Variants in FBXL14 observed in about 807,000 individuals in gnomAD.
The protein encoded by FBXL14 is F-box/LRR-repeat protein 14.
A neutral mutation model predicts 24.5 loss-of-function variants in FBXL14; 11 were observed. The ratio of observed to expected loss-of-function variants is 0.45; its 90% CI spans 0.28 to 0.74. The LOEUF (loss-of-function observed/expected upper bound fraction) is 0.74, where lower values mean the gene tolerates loss of function less well. FBXL14 is among the 30% of genes least tolerant of loss of function. FBXL14 has a pLI of 0.12. For synonymous variants in FBXL14, 294 were observed against 240.4 expected (o/e 1.22, Z -2.06); for missense variants, 384 against 545.6 (o/e 0.70, Z 2.95).
rs201000076 is a variant in FBXL14 at position 1,592,924 on chromosome 12, C to G, written c.1143G>C (p.Pro381=). ...GTCCCAGGTTGAGTACCTTGAGGCA[C>G]GGCAGCTGCGTGATGCGCTCCAGGC... ...KRGLERITQL[P]CLKVLNLGLW... is the part of the protein sequence containing the mutation. Residue 381 remains proline (P), a synonymous_variant, in exon 1 of 2, where the codon CCG becomes CCC. Transcript: ENST00000339235. The G allele has an allele frequency of 5.0e-6, 8 of 1,607,244 alleles. No homozygotes were observed. In the African/African-American group the frequency reaches 9.4e-5, roughly 19 times the overall value.
At chr12:1,571,367 C>G (rs1029490729) in intron 1 of FBXL14, among the ~76,000 whole-genome samples, 1 of 152,122 alleles carries the variant, frequency 6.6e-6, no homozygotes, top group Non-Finnish European at 1.5e-5. Context: ...CGCCACCACA[C>G]CCGGCTAATT....
chr12:1,576,077 C>T (rs1312881631), intron 1 of FBXL14, among the ~76,000 whole-genome samples: 1 of 152,126 alleles, frequency 6.6e-6, no homozygotes, highest in East Asian at 1.9e-4. Context: ...CGGGAGGAAA[C>T]CTTAAATATT....
intron 1 of FBXL14, among the ~76,000 whole-genome samples, chr12:1,585,002 G>GTGAT (rs1007100653): frequency 3.3e-5 from 5 of 152,188 alleles, no homozygotes; most frequent in African/African-American, 1.2e-4. Context: ...TTTAGCCTCA[G>GTGAT]TGATTGTTCT....
At chr12:1,583,246 T>C (rs1356045535) in intron 1 of FBXL14, among the ~76,000 whole-genome samples, 1 of 152,172 alleles carries the variant, frequency 6.6e-6, no homozygotes, top group Non-Finnish European at 1.5e-5. Context: ...AACTAGCTCT[T>C]TTTCTTGCTG....
At chr12:1,572,290 C>T (rs1047568192) in intron 1 of FBXL14, among the ~76,000 whole-genome samples, 1 of 152,204 alleles carries the variant, frequency 6.6e-6, no homozygotes, top group Non-Finnish European at 1.5e-5. Context: ...GTGCACGATA[C>T]GGTGTGTTTT....
Position 1,594,160 on chromosome 12 carries a change from G to GCCGCCGCCGCCA in FBXL14, c.-95_-94insTGGCGGCGGCGG. 1 of 830,990 alleles carries GCCGCCGCCGCCA rather than the reference G, an allele frequency of 1.2e-6. No individual in the cohort carries two copies. The highest frequency in any genetic ancestry group is 1.5e-6 in the Non-Finnish European group (1 of 662,374). The allele number at this position is 830,990 out of a possible 1,614,324, so 51.5% of individuals were successfully genotyped here. ...GCGACGAGAGCGCTTCTCCCCAGCC[G>GCCGCCGCCGCCA]CCGCCGCCGCCGCCGCCGCCGCCTC... On this transcript the variant is annotated 5_prime_UTR_variant, in exon 1 of 2. Transcript: ENST00000339235.
At chr12:1,589,668 C>G (rs1305747588) in intron 1 of FBXL14, among the ~76,000 whole-genome samples, 1 of 152,140 alleles carries the variant, frequency 6.6e-6, no homozygotes, top group African/African-American at 2.4e-5. Flanking sequence ...CACATAGGTT[C>G]TCAACACGTT....
At position 1,569,916 on chromosome 12, in the gene FBXL14, T is replaced by TC. The variant is rs1369072379; in HGVS notation, c.1195-3107dup. Among the ~76,000 whole-genome samples the TC allele has an allele frequency of 6.6e-6, 1 of 152,120 alleles. No individual in the cohort carries two copies. The highest frequency in any genetic ancestry group is 1.5e-5 in the Non-Finnish European group (1 of 68,026). ...CCACATGCCCACTGCAGAGCCAGCA[T>TC]CCCCCTCGAGAGCTGCACTTCTGCC... On this transcript the variant is annotated intron_variant, in intron 1 of 1. Coordinates refer to ENST00000339235, the MANE Select transcript of FBXL14 (RefSeq NM_152441.3). The surrounding 1 kb of genome is among the most constrained non-coding windows in gnomAD (Gnocchi z 4.2).
At chr12:1,572,683 C>T (rs951413350) in intron 1 of FBXL14, among the ~76,000 whole-genome samples, 57 of 152,118 alleles carry the variant, frequency 3.7e-4, no homozygotes, top group African/African-American at 1.3e-3. Flanking sequence ...TCCCGGACAG[C>T]GTGCAGCAGA....
Position 1,583,526 on chromosome 12 carries a change from C to T in FBXL14, c.1194+9347G>A, listed in dbSNP as rs190571806. On this transcript the variant is annotated intron_variant, in intron 1 of 1. Coordinates refer to ENST00000339235, the MANE Select transcript of FBXL14 (RefSeq NM_152441.3). ...ATCTTTTCCAGGAAGTGAAATTCCTCATTTGTCAACTCTTACGCCTGGAGG... is the reference window on the plus strand; with the variant it reads ...ATCTTTTCCAGGAAGTGAAATTCCTTATTTGTCAACTCTTACGCCTGGAGG... Among the ~76,000 whole-genome samples, 572 of 152,304 alleles carry T rather than the reference C, an allele frequency of 3.8e-3. 4 individuals are homozygous for T. Among genetic ancestry groups the T allele is most frequent in the Admixed American group, 0.012 (185 of 15,306 alleles).
intron 1 of FBXL14, among the ~76,000 whole-genome samples, chr12:1,586,764 G>C (rs149521219): frequency 2.6e-5 from 4 of 152,192 alleles, no homozygotes; most frequent in Non-Finnish European, 5.9e-5. Flanking sequence ...ATTGTGTTAT[G>C]ACTGAGTTCT....
intron 1 of FBXL14, among the ~76,000 whole-genome samples, chr12:1,574,119 C>A (rs992335658): frequency 6.6e-6 from 1 of 151,922 alleles, no homozygotes; most frequent in South Asian, 2.1e-4. Context: ...GTAATTGGGA[C>A]CACTGTAATG....
rs536515237 is a variant in FBXL14 at position 1,592,564 on chromosome 12, A to G, written c.1194+309T>C. ...CCAGTCACAGCAGTGGGGATACAGT[A>G]GCTGAATCAGTCCTCCACCCCCTGC... On this transcript the variant is annotated intron_variant, in intron 1 of 1. Transcript: ENST00000339235. Among the ~76,000 whole-genome samples, 10 of 152,308 alleles carry G rather than the reference A, an allele frequency of 6.6e-5. No individual in the cohort carries two copies. The South Asian group carries it at 2.1e-3, about 32-fold the overall frequency.
chr12:1,575,496 C>T (rs755953051), intron 1 of FBXL14, among the ~76,000 whole-genome samples: 3 of 152,164 alleles, frequency 2.0e-5, no homozygotes, highest in Non-Finnish European at 4.4e-5. Flanking sequence ...CGTTCGGGAT[C>T]CCGTGGGGAA....
chr12:1,571,152 T>C (rs2154437698), intron 1 of FBXL14, among the ~76,000 whole-genome samples: 2 of 152,364 alleles, frequency 1.3e-5, no homozygotes. Flanking sequence ...AAGCATGCTA[T>C]TGCATGGCAG....
chr12:1,591,609 T>C (rs1565591171), intron 1 of FBXL14, among the ~76,000 whole-genome samples: 1 of 152,204 alleles, frequency 6.6e-6, no homozygotes, highest in Admixed American at 6.5e-5. Context: ...GTGATTTCTT[T>C]AAAGCCACAA....
At position 1,593,466 on chromosome 12, in the gene FBXL14, A is replaced by C. The variant is rs2094495071; in HGVS notation, c.601T>G (p.Cys201Gly). ...AGCGTGAGCTGCTCCAGGCCCAGGC[A>C]GCCCTCCGCCGCGCTGCGCGTCATG... The part of the protein sequence containing the change: ...AGMTRSAAEG[C>G]LGLEQLTLQD... The change falls in exon 1 of 2, where the codon TGC (cysteine) becomes GGC (glycine). Residue 201 changes from cysteine (C) to glycine (G), a missense_variant. Transcript: ENST00000339235. This position sits in a 1 kb window ranked among gnomAD's most constrained non-coding sequence, Gnocchi z 7.4. 6.2e-7 allele frequency: 1 copy of C among 1,613,848 alleles called. No individual in the cohort carries two copies.
chr12:1,571,485 G>A (rs2094445473), intron 1 of FBXL14, among the ~76,000 whole-genome samples: 1 of 152,198 alleles, frequency 6.6e-6, no homozygotes, highest in Non-Finnish European at 1.5e-5. Context: ...TGGGATTACA[G>A]GAGTGAGCCA....
rs573527053 is a variant in FBXL14, at chr12:1,566,853, C to T, written c.1195-43G>A. On this transcript the variant is annotated intron_variant, in intron 1 of 1. Transcript: ENST00000339235. The stretch of plus-strand genomic sequence containing the variant: ...AAAAGGACCATTTTGAAAGAGACTG[C>T]CGCACTCTGCTCTTCCTAACGAGGT... The T allele has an allele frequency of 1.6e-4, 122 of 778,972 alleles. 2 individuals are homozygous for T. The South Asian group carries it at 1.6e-3, about 10-fold the overall frequency. The allele number at this position is 778,972 out of a possible 1,614,324, so 48.3% of individuals were successfully genotyped here. A position where few individuals can be genotyped will look rare whatever the true frequency, so the allele number is the denominator to read the frequency against.
Sources: allele counts gnomAD v4.1 joint callset (sites outside exome capture counted in the v4.1 genomes callset), GRCh38; gene constraint gnomAD v4.1.1; non-coding constraint Gnocchi (gnomAD v3.1); transcripts MANE v1.5; gene names NCBI Gene and HGNC (gene_info 2026-07-23, HGNC 2026-07-21).